Variants in ULK4 observed in about 807,000 individuals in gnomAD.
ULK4 encodes the protein inactive serine/threonine-protein kinase ULK4.
A neutral mutation model predicts 160.6 loss-of-function variants in ULK4; 133 were observed. The observed-to-expected ratio is 0.83, with a 90% CI of 0.72 to 0.96. ULK4 has a LOEUF of 0.96. Ranked by LOEUF, ULK4 falls within the 40% of genes least tolerant of loss-of-function variation. ULK4 has a pLI of 0.00. For missense variants in ULK4, 1,580 were observed against 1,499.5 expected (o/e 1.05, Z -0.89); for synonymous variants, 534 against 539.8 (o/e 0.99, Z 0.15).
intron 31 of ULK4, among the ~76,000 whole-genome samples, chr3:41,603,179 G>C (rs2032200864): frequency 6.6e-6 from 1 of 151,998 alleles, no homozygotes; most frequent in African/African-American, 2.4e-5. Context: ...TGGCTATACT[G>C]ATATCAGAAA....
intron 31 of ULK4, among the ~76,000 whole-genome samples, chr3:41,567,639 A>T (rs1022456826): frequency 2.0e-5 from 3 of 151,410 alleles, no homozygotes; most frequent in Non-Finnish European, 2.9e-5. Flanking sequence ...TGTTTTTTGT[A>T]TTTTTAGTAG....
intron 17 of ULK4, among the ~76,000 whole-genome samples, chr3:41,866,582 G>A (rs1331770096): frequency 6.6e-6 from 1 of 152,220 alleles, no homozygotes; most frequent in East Asian, 1.9e-4. Context: ...AATGCTCACT[G>A]GCCCACCACT....
At chr3:41,734,325 A>G (rs1400095785) in intron 22 of ULK4, among the ~76,000 whole-genome samples, 1 of 152,180 alleles carries the variant, frequency 6.6e-6, no homozygotes, top group Non-Finnish European at 1.5e-5. Flanking sequence ...TACTGAATGT[A>G]TTTGACTATT....
At chr3:41,448,427 T>C (rs985167539) in intron 34 of ULK4, among the ~76,000 whole-genome samples, 4 of 152,110 alleles carry the variant, frequency 2.6e-5, no homozygotes, top group Non-Finnish European at 5.9e-5. Flanking sequence ...GAACATAGAA[T>C]ATGACTAGAA....
intron 35 of ULK4, among the ~76,000 whole-genome samples, chr3:41,340,867 C>T (rs770707167): frequency 2.6e-5 from 4 of 152,218 alleles, no homozygotes; most frequent in Admixed American, 6.5e-5. Flanking sequence ...CATTCTCTGA[C>T]ATTCTGTGGG....
intron 29 of ULK4, among the ~76,000 whole-genome samples, chr3:41,670,983 C>T (rs923891081): frequency 6.6e-6 from 1 of 151,968 alleles, no homozygotes; most frequent in African/African-American, 2.4e-5. Context: ...CCAATTTAGG[C>T]ACAGACTCAA....
intron 35 of ULK4, among the ~76,000 whole-genome samples, chr3:41,286,781 C>A (rs1360784837): frequency 6.6e-6 from 1 of 152,190 alleles, no homozygotes; most frequent in Non-Finnish European, 1.5e-5. Context: ...CTTGTGGCCT[C>A]CTCTCTCCAT....
intron 17 of ULK4, among the ~76,000 whole-genome samples, chr3:41,862,538 T>C (rs994488728): frequency 3.9e-5 from 6 of 152,202 alleles, no homozygotes; most frequent in Non-Finnish European, 7.4e-5. Flanking sequence ...GTAGCCATCC[T>C]TCTTGGGAAG....
intron 2 of ULK4, among the ~76,000 whole-genome samples, chr3:41,947,911 T>C (rs562333376): frequency 7.9e-5 from 12 of 152,194 alleles, no homozygotes; most frequent in African/African-American, 2.9e-4. Flanking sequence ...GAATGAATCT[T>C]GGAAAAAAGA....
At chr3:41,922,310 A>G (rs1013222346) in intron 5 of ULK4, among the ~76,000 whole-genome samples, 5 of 152,182 alleles carry the variant, frequency 3.3e-5, no homozygotes, top group Non-Finnish European at 5.9e-5. Context: ...CAGCACAGCA[A>G]AACCCAGTTT....
chr3:41,507,612 CAAAAAAAAAAAAAAA>C (rs71075473), intron 32 of ULK4, among the ~76,000 whole-genome samples: 8 of 75,284 alleles, frequency 1.1e-4, no homozygotes, highest in African/African-American at 4.3e-4. Context: ...AAACCACCAC[CAAAAAAAAAAAAAAA>C]AAAAAAAAAA....
chr3:41,316,274 G>T (rs2080141697), intron 35 of ULK4, among the ~76,000 whole-genome samples: 1 of 152,160 alleles, frequency 6.6e-6, no homozygotes, highest in Admixed American at 6.5e-5. Context: ...AGTGAAAGAG[G>T]TCAGACAAAA....
chr3:41,576,991 A>G (rs1328917648), intron 31 of ULK4, among the ~76,000 whole-genome samples: 1 of 152,250 alleles, frequency 6.6e-6, no homozygotes, highest in East Asian at 1.9e-4. Context: ...CAATTATCAC[A>G]AGGCAGTTTT....
rs573619578 is a variant in ULK4 at position 41,417,666 on chromosome 3, C to T, written c.3493-19402G>A. On this transcript the variant is annotated intron_variant, in intron 34 of 36. Transcript: ENST00000301831. ...GCTCCTCCCATCTAGGCAGCAGGAACAAGAGAAAAGGCAGGTAAGCACACA... is the reference window on the plus strand; with the variant it reads ...GCTCCTCCCATCTAGGCAGCAGGAATAAGAGAAAAGGCAGGTAAGCACACA... Among the ~76,000 whole-genome samples the T allele has an allele frequency of 1.5e-3, 226 of 152,194 alleles. 2 individuals are homozygous for T. The highest frequency in any genetic ancestry group is 7.0e-3 in the Admixed American group (107 of 15,296).
chr3:41,540,082 T>G (rs2086641827), intron 32 of ULK4, among the ~76,000 whole-genome samples: 1 of 152,112 alleles, frequency 6.6e-6, no homozygotes, highest in Non-Finnish European at 1.5e-5. Context: ...TTATTATTAT[T>G]ATTATACTTT....
intron 30 of ULK4, among the ~76,000 whole-genome samples, chr3:41,660,906 G>A (rs2035129643): frequency 6.6e-6 from 1 of 152,070 alleles, no homozygotes; most frequent in Non-Finnish European, 1.5e-5. Flanking sequence ...AGATATCTTT[G>A]TATATCAATA....
intron 18 of ULK4, among the ~76,000 whole-genome samples, chr3:41,833,124 G>C (rs1236740704): frequency 6.6e-6 from 1 of 152,148 alleles, no homozygotes; most frequent in Admixed American, 6.5e-5. Flanking sequence ...ACTTTGGGCA[G>C]TATGGCCATT....
intron 34 of ULK4, among the ~76,000 whole-genome samples, chr3:41,406,123 C>A (rs1200383334): frequency 6.6e-6 from 1 of 152,142 alleles, no homozygotes; most frequent in Non-Finnish European, 1.5e-5. Context: ...AATCTTTAAT[C>A]CATTTTCAGC....
chr3:41,770,945 A>T (rs1344727936), intron 21 of ULK4, among the ~76,000 whole-genome samples: 1 of 152,228 alleles, frequency 6.6e-6, no homozygotes, highest in African/African-American at 2.4e-5. Flanking sequence ...TTAACTTCAG[A>T]TTCTCCCCAA....
Sources: gnomAD v4.1 joint callset for allele counts (sites outside exome capture counted in the v4.1 genomes callset) on GRCh38, gnomAD v4.1.1 for gene constraint, MANE v1.5 for transcripts, NCBI Gene and HGNC (gene_info 2026-07-23, HGNC 2026-07-21) for gene names.